Variants in KLHL20 observed in about 807,000 individuals in gnomAD.
KLHL20 encodes kelch-like protein 20.
In KLHL20, 29 loss-of-function variants were observed where a neutral mutation model predicts 69.5. That is an observed-to-expected ratio of 0.42 (90% CI 0.31 to 0.57). The LOEUF (loss-of-function observed/expected upper bound fraction) is 0.57. KLHL20 is among the 20% of genes least tolerant of loss of function. The probability of loss-of-function intolerance (pLI) is 0.18; values close to 1 mark genes in which losing one functional copy is unlikely to be tolerated. For missense variants in KLHL20, 419 were observed against 776.0 expected (o/e 0.54, Z 5.47); for synonymous variants, 253 against 265.2 (o/e 0.95, Z 0.45).
intron 2 of KLHL20, among the ~76,000 whole-genome samples, chr1:173,722,806 C>T (rs751387732): frequency 1.3e-5 from 2 of 151,748 alleles, no homozygotes; most frequent in African/African-American, 2.4e-5. Context: ...TCTCCTGCCT[C>T]AGCCTCCCAA....
chr1:173,734,361 T>C (rs1401705699), intron 3 of KLHL20, 75 bp downstream of exon 3: 2 of 1,208,312 alleles, frequency 1.7e-6, no homozygotes, highest in African/African-American at 3.0e-5. Flanking sequence ...TAAATAACAC[T>C]TGCCTGGGTA....
chr1:173,718,689 C>A (rs970110611), intron 2 of KLHL20, among the ~76,000 whole-genome samples: 1 of 152,112 alleles, frequency 6.6e-6, no homozygotes, highest in African/African-American at 2.4e-5. Flanking sequence ...CCACTGCACT[C>A]CTGCCCGTGT....
At chr1:173,748,873 T>C (rs1322295627) in intron 3 of KLHL20, among the ~76,000 whole-genome samples, 2 of 152,194 alleles carry the variant, frequency 1.3e-5, no homozygotes, top group African/African-American at 4.8e-5. Context: ...CATTGAGCTA[T>C]ACACTTAAAA....
At chr1:173,755,258 C>T (rs2102503814) in intron 5 of KLHL20, among the ~76,000 whole-genome samples, 1 of 152,126 alleles carries the variant, frequency 6.6e-6, no homozygotes, top group Admixed American at 6.6e-5. Flanking sequence ...GGGGTTTCAC[C>T]ATATTGGCCA....
At chr1:173,770,680 C>CA (rs368668788) in intron 8 of KLHL20, among the ~76,000 whole-genome samples, 14,920 of 99,586 alleles carry the variant, frequency 0.15, 2,606 homozygotes, top group African/African-American at 0.43. Flanking sequence ...AACTCTCTCT[C>CA]AAAAAAAAAA....
intron 1 of KLHL20, chr1:173,715,474 C>T (rs1671426469): frequency 6.6e-6 from 1 of 152,374 alleles, no homozygotes; most frequent in African/African-American, 2.4e-5. Context: ...GAAGGAAATG[C>T]TTGTAAAGAG....
intron 2 of KLHL20, among the ~76,000 whole-genome samples, chr1:173,725,334 T>C (rs1177024525): frequency 6.6e-6 from 1 of 152,180 alleles, no homozygotes; most frequent in African/African-American, 2.4e-5. Flanking sequence ...GCTTCTTGAT[T>C]TTGAGTAAGT....
intron 8 of KLHL20, among the ~76,000 whole-genome samples, chr1:173,768,808 G>A (rs1647895659): frequency 6.6e-6 from 1 of 152,060 alleles, no homozygotes; most frequent in African/African-American, 2.4e-5. Flanking sequence ...AAAACTAAGG[G>A]AAAGAATATC....
intron 2 of KLHL20, among the ~76,000 whole-genome samples, chr1:173,732,677 C>T (rs1672343191): frequency 6.6e-6 from 1 of 152,166 alleles, no homozygotes; most frequent in Non-Finnish European, 1.5e-5. Flanking sequence ...AAATGCAAAC[C>T]TCCAAATAAA....
intron 10 of KLHL20, among the ~76,000 whole-genome samples, chr1:173,780,308 C>T (rs998317968): frequency 6.6e-6 from 1 of 152,138 alleles, no homozygotes. Context: ...ATGTTTACAG[C>T]TAACTATAAT....
In KLHL20 at chr1:173,785,577, G is replaced by A. The variant is rs375273086; in HGVS notation, c.*330G>A. On this transcript the variant is annotated 3_prime_UTR_variant, in exon 12 of 12. Transcript: ENST00000209884. ...GTTTGTAAGGTATTCATTTAGGTTTGAAAATACTATTTAATAAGGGCAGAA... is the reference window on the plus strand; with the variant it reads ...GTTTGTAAGGTATTCATTTAGGTTTAAAAATACTATTTAATAAGGGCAGAA... The A allele has an allele frequency of 6.0e-5, 10 of 166,702 alleles. No individual in the cohort carries two copies. In the South Asian group the frequency reaches 1.0e-3, roughly 17 times the overall value. 10.3% of individuals were successfully genotyped at this position (166,702 alleles called of 1,614,324 possible). A position where few individuals can be genotyped will look rare whatever the true frequency, so the allele number is the denominator to read the frequency against.
At chr1:173,744,890 T>TCC (rs1489544929) in intron 3 of KLHL20, among the ~76,000 whole-genome samples, 19 of 152,136 alleles carry the variant, frequency 1.2e-4, no homozygotes, top group Admixed American at 1.2e-3. Flanking sequence ...AGTAAACCCC[T>TCC]CCCCATCATG....
At chr1:173,726,242 G>A (rs368619872) in intron 2 of KLHL20, among the ~76,000 whole-genome samples, 6 of 152,162 alleles carry the variant, frequency 3.9e-5, no homozygotes, top group South Asian at 2.1e-4. Flanking sequence ...TAAATAAAGC[G>A]GCTGGGAAGC....
At chr1:173,745,456 C>A (rs1347631336) in intron 3 of KLHL20, among the ~76,000 whole-genome samples, 1 of 152,038 alleles carries the variant, frequency 6.6e-6, no homozygotes, top group Non-Finnish European at 1.5e-5. Flanking sequence ...AGCCACCCCA[C>A]CCAGCCTACA....
intron 2 of KLHL20, among the ~76,000 whole-genome samples, chr1:173,723,148 C>T (rs1393642277): frequency 1.3e-5 from 2 of 152,284 alleles, no homozygotes; most frequent in Admixed American, 6.5e-5. Flanking sequence ...CATGCAGTGT[C>T]AGTATTCCAG....
At chr1:173,749,871 C>T (rs1448418847) in intron 3 of KLHL20, among the ~76,000 whole-genome samples, 1 of 152,124 alleles carries the variant, frequency 6.6e-6, no homozygotes, top group Admixed American at 6.5e-5. Context: ...CATGACTAAA[C>T]TTTTGCATGC....
intron 2 of KLHL20, among the ~76,000 whole-genome samples, chr1:173,727,349 T>C (rs1672025772): frequency 1.3e-5 from 2 of 152,044 alleles, no homozygotes; most frequent in Admixed American, 1.3e-4. Flanking sequence ...CACGAGAACT[T>C]CCCCAATCGA....
intron 3 of KLHL20, among the ~76,000 whole-genome samples, chr1:173,735,703 C>G (rs927117096): frequency 6.6e-6 from 1 of 152,026 alleles, no homozygotes; most frequent in Non-Finnish European, 1.5e-5. Context: ...ATCCACCACC[C>G]GAGCAGTGTA....
rs1649147741 is a variant in KLHL20 at position 173,785,412 on chromosome 1, A to G, written c.*165A>G. On this transcript the variant is annotated 3_prime_UTR_variant, in exon 12 of 12. Transcript: ENST00000209884. ...AAGTACTTCACCTGCAAGATGCACA[A>G]TAATTTTCAACTCTGTGCAGAAGAA... The G allele has an allele frequency of 7.5e-6, 3 of 400,112 alleles. No individual in the cohort carries two copies. The highest frequency in any genetic ancestry group is 8.1e-5 in the East Asian group (2 of 24,722). 24.8% of individuals were successfully genotyped at this position (400,112 alleles called of 1,614,324 possible).
Sources: allele counts gnomAD v4.1 joint callset (sites outside exome capture counted in the v4.1 genomes callset), GRCh38; gene constraint gnomAD v4.1.1; transcripts MANE v1.5; gene names NCBI Gene and HGNC (gene_info 2026-07-23, HGNC 2026-07-21).